DLG2: variants seen among roughly 807,000 people sequenced by gnomAD.
The protein encoded by DLG2 is disks large homolog 2.
DLG2 carries 45 observed loss-of-function variants against 132.5 expected under a neutral mutation model. That is an observed-to-expected ratio of 0.34 (90% confidence interval 0.27 to 0.44). The LOEUF (loss-of-function observed/expected upper bound fraction) is 0.44, where lower values mean the gene tolerates loss of function less well. Among genes scored for constraint, DLG2 ranks in the 20% least tolerant of loss-of-function variants. The probability of loss-of-function intolerance (pLI) is 1.00; values close to 1 mark genes in which losing one functional copy is unlikely to be tolerated. For missense variants in DLG2, 1,045 were observed against 1,196.9 expected, an observed-to-expected ratio of 0.87 and a Z score of 1.87; for synonymous variants, 424 against 419.6, an observed-to-expected ratio of 1.01 and a Z score of -0.13.
chr11:85,468,135 T>G (rs183592138), intron 3 of DLG2, among the ~76,000 whole-genome samples: 21 of 152,350 alleles, frequency 1.4e-4, no homozygotes, highest in African/African-American at 4.8e-4. Flanking sequence ...TAGTTTGTAT[T>G]TCTGTGGGAT....
chr11:84,276,908 T>C (rs2097788341), intron 7 of DLG2, among the ~76,000 whole-genome samples: 1 of 152,150 alleles, frequency 6.6e-6, no homozygotes, highest in Non-Finnish European at 1.5e-5. Context: ...TAGGAAAGAA[T>C]GGGTTTCAAG....
chr11:85,318,341 G>A (rs1368845092), intron 3 of DLG2, among the ~76,000 whole-genome samples: 1 of 151,748 alleles, frequency 6.6e-6, no homozygotes, highest in East Asian at 1.9e-4. Context: ...GAGAACTAGA[G>A]GCTCCTGATC....
At chr11:83,855,833 T>TC (rs532262072) in intron 16 of DLG2, among the ~76,000 whole-genome samples, 46 of 151,574 alleles carry the variant, frequency 3.0e-4, no homozygotes, top group African/African-American at 1.1e-3. Flanking sequence ...AGACTCTGTC[T>TC]CAAAAAAAAA....
chr11:84,594,043 A>T (rs1462635508), intron 6 of DLG2, among the ~76,000 whole-genome samples: 2 of 152,202 alleles, frequency 1.3e-5, no homozygotes, highest in Non-Finnish European at 2.9e-5. Context: ...AAGAAATTAC[A>T]TGAGAATGGC....
intron 6 of DLG2, among the ~76,000 whole-genome samples, chr11:84,959,621 T>C (rs536804153): frequency 6.6e-6 from 1 of 152,336 alleles, no homozygotes; most frequent in African/African-American, 2.4e-5. Context: ...ATAAAATAAT[T>C]GTAATATCTG....
intron 11 of DLG2, among the ~76,000 whole-genome samples, chr11:84,005,115 A>G (rs2094521334): frequency 6.6e-6 from 1 of 151,712 alleles, no homozygotes; most frequent in Non-Finnish European, 1.5e-5. Flanking sequence ...TGACTTAGAA[A>G]TATATTACTA....
intron 7 of DLG2, among the ~76,000 whole-genome samples, chr11:84,394,891 A>G (rs560232212): frequency 6.6e-6 from 1 of 152,266 alleles, no homozygotes; most frequent in South Asian, 2.1e-4. Context: ...AAGTGCTGAG[A>G]TTACAGGCGT....
At chr11:85,544,717 A>C (rs2076192807) in intron 3 of DLG2, among the ~76,000 whole-genome samples, 1 of 152,114 alleles carries the variant, frequency 6.6e-6, no homozygotes, top group Admixed American at 6.5e-5. Context: ...CATCCCTTGT[A>C]AGTTGGATTC....
intron 6 of DLG2, among the ~76,000 whole-genome samples, chr11:84,751,513 G>C (rs1477843350): frequency 6.6e-6 from 1 of 151,994 alleles, no homozygotes; most frequent in Non-Finnish European, 1.5e-5. Context: ...CTCTTTCTCT[G>C]TGTGGTGACG....
chr11:85,329,059 C>A (rs1273727613), intron 3 of DLG2, among the ~76,000 whole-genome samples: 2 of 105,312 alleles, frequency 1.9e-5, no homozygotes, highest in South Asian at 3.6e-4. Flanking sequence ...CTAGGAATCC[C>A]ACTTACAAGG....
chr11:84,494,063 G>A (rs2099173251), intron 7 of DLG2, among the ~76,000 whole-genome samples: 1 of 152,158 alleles, frequency 6.6e-6, no homozygotes, highest in Non-Finnish European at 1.5e-5. Context: ...ATAAAAGACA[G>A]AGAAGACTTA....
intron 4 of DLG2, among the ~76,000 whole-genome samples, chr11:85,179,999 G>T (rs59745119): frequency 0.032 from 4,920 of 151,890 alleles, 103 homozygotes; most frequent in African/African-American, 0.047. Flanking sequence ...CACCAGGTAG[G>T]CTTATTCCAG....
chr11:85,573,189 C>T (rs1342156205), intron 3 of DLG2, among the ~76,000 whole-genome samples: 1 of 152,074 alleles, frequency 6.6e-6, no homozygotes, highest in Non-Finnish European at 1.5e-5. Flanking sequence ...GAACCATAAA[C>T]CAATTAAATC....
At chr11:84,331,997 A>C (rs1183356492) in intron 7 of DLG2, among the ~76,000 whole-genome samples, 1 of 152,138 alleles carries the variant, frequency 6.6e-6, no homozygotes, top group African/African-American at 2.4e-5. Context: ...CCAACAATAA[A>C]ATATTTTCTT....
intron 6 of DLG2, among the ~76,000 whole-genome samples, chr11:84,744,359 A>T (rs1261359653): frequency 6.6e-6 from 1 of 152,208 alleles, no homozygotes; most frequent in Admixed American, 6.5e-5. Context: ...TATAAAATAT[A>T]GGCCTTGTGA....
chr11:84,438,487 A>T (rs1354694486), intron 7 of DLG2, among the ~76,000 whole-genome samples: 3 of 110,768 alleles, frequency 2.7e-5, no homozygotes, highest in African/African-American at 1.3e-4. Flanking sequence ...AATAAAAAAT[A>T]AAAAAACCCA....
At chr11:84,901,976 A>G (rs1014694497) in intron 6 of DLG2, among the ~76,000 whole-genome samples, 4 of 152,142 alleles carry the variant, frequency 2.6e-5, no homozygotes, top group Non-Finnish European at 4.4e-5. Flanking sequence ...AGATAAACAT[A>G]TAGGTTATAA....
At chr11:85,617,747 T>C (rs1392243096) in intron 2 of DLG2, among the ~76,000 whole-genome samples, 1 of 152,228 alleles carries the variant, frequency 6.6e-6, no homozygotes, top group East Asian at 1.9e-4. Flanking sequence ...CAGAACTTAA[T>C]AGGTTTATTC....
At chr11:85,507,147 G>C (rs935143507) in intron 3 of DLG2, among the ~76,000 whole-genome samples, 1 of 152,062 alleles carries the variant, frequency 6.6e-6, no homozygotes, top group South Asian at 2.1e-4. Context: ...ACATTGATGG[G>C]TCTTGACTCT....
Sources: allele counts gnomAD v4.1 joint callset (sites outside exome capture counted in the v4.1 genomes callset), GRCh38; gene constraint gnomAD v4.1.1; transcripts MANE v1.5; gene names NCBI Gene and HGNC (gene_info 2026-07-23, HGNC 2026-07-21).